Variants in PTBP3 observed in about 807,000 individuals in gnomAD.
PTBP3 encodes the protein polypyrimidine tract binding protein 3, also known as polypyrimidine tract-binding protein 3.
Under a neutral mutation model 58.7 loss-of-function variants are expected in PTBP3, and 20 were observed. That is an observed-to-expected ratio of 0.34 (90% confidence interval 0.24 to 0.50). The LOEUF (loss-of-function observed/expected upper bound fraction) is 0.50, where lower values mean the gene tolerates loss of function less well. Ranked by LOEUF, PTBP3 falls within the 20% of genes least tolerant of loss-of-function variation. The pLI is 0.98. For missense variants in PTBP3, 509 were observed against 637.2 expected (o/e 0.80, Z 2.17); for synonymous variants, 185 against 219.8 (o/e 0.84, Z 1.40).
At chr9:112,292,451 G>A (rs1211409360) in intron 2 of PTBP3, among the ~76,000 whole-genome samples, 1 of 152,120 alleles carries the variant, frequency 6.6e-6, no homozygotes, top group Non-Finnish European at 1.5e-5. Context: ...TTAAAAACAG[G>A]ATCTCAAAGA....
chr9:112,296,709 GAAACTCA>G (rs1341031826), intron 2 of PTBP3, among the ~76,000 whole-genome samples: 1 of 152,120 alleles, frequency 6.6e-6, no homozygotes, highest in African/African-American at 2.4e-5. Flanking sequence ...TGTTCCAAAG[GAAACTCA>G]AACTCAATAT....
chr9:112,290,899 A>G (rs1483865983), intron 2 of PTBP3, among the ~76,000 whole-genome samples: 3 of 150,074 alleles, frequency 2.0e-5, no homozygotes, highest in Non-Finnish European at 4.4e-5. Flanking sequence ...AAATGCACAC[A>G]TGTGTCCACA....
At chr9:112,295,990 A>C (rs977083727) in intron 2 of PTBP3, among the ~76,000 whole-genome samples, 48 of 152,234 alleles carry the variant, frequency 3.2e-4, no homozygotes, top group African/African-American at 1.1e-3. Context: ...CCCAAAACAA[A>C]TTCGTAAACT....
At chr9:112,240,830 T>G (rs181663716) in intron 7 of PTBP3, among the ~76,000 whole-genome samples, 61 of 152,202 alleles carry the variant, frequency 4.0e-4, no homozygotes, top group Admixed American at 2.7e-3. Flanking sequence ...ATCCTGACCT[T>G]GTGTAGGCCT....
intron 10 of PTBP3, 102 bp downstream of exon 10, chr9:112,231,278 C>G: frequency 2.2e-6 from 2 of 891,848 alleles, no homozygotes; most frequent in Non-Finnish European, 3.3e-6. Flanking sequence ...AGTGTCAGCA[C>G]AATACTTGGC....
Position 112,222,330 on chromosome 9 carries a change from G to A in PTBP3, c.*1521C>T. The A allele has an allele frequency of 1.0e-6, 1 of 980,820 alleles. No homozygotes were observed. The highest frequency in any genetic ancestry group is 1.2e-6 in the Non-Finnish European group (1 of 825,462). The allele number at this position is 980,820 out of a possible 1,614,324, so 60.8% of individuals were successfully genotyped here. On this transcript the variant is annotated 3_prime_UTR_variant, in exon 14 of 14. Coordinates refer to ENST00000374257, the MANE Select transcript of PTBP3 (RefSeq NM_001163788.4). ...CTCTTACATTCAATGAAAAAGAGAGGGACAGAGTATGAGAAATAACCCACC... is the reference window on the plus strand; with the variant it reads ...CTCTTACATTCAATGAAAAAGAGAGAGACAGAGTATGAGAAATAACCCACC...
intron 7 of PTBP3, among the ~76,000 whole-genome samples, chr9:112,244,685 A>T (rs537729028): frequency 6.6e-6 from 1 of 152,174 alleles, no homozygotes; most frequent in Admixed American, 6.5e-5. Flanking sequence ...CTCAAAAAAT[A>T]AAAAAATAAA....
intron 12 of PTBP3, 122 bp downstream of exon 12, chr9:112,227,289 T>A (rs992544548): frequency 1.0e-6 from 1 of 964,256 alleles, no homozygotes; most frequent in African/African-American, 1.6e-5. Flanking sequence ...AATTGTCTTA[T>A]CAGAAACTGT....
At chr9:112,252,342 G>A (rs1836159456) in intron 6 of PTBP3, 1 of 291,882 alleles carries the variant, frequency 3.4e-6, no homozygotes, top group African/African-American at 2.3e-5. Context: ...GTACTTGGAT[G>A]GGAGAAGTAA....
the PTBP3 span, among the ~76,000 whole-genome samples, chr9:112,353,444 C>T: frequency 6.7e-6 from 1 of 148,336 alleles, no homozygotes; most frequent in South Asian, 2.2e-4. Context: ...CGGGGTTTCA[C>T]CATGTTGGCC....
chr9:112,230,036 G>A (rs1589797861), intron 10 of PTBP3, among the ~76,000 whole-genome samples: 1 of 151,990 alleles, frequency 6.6e-6, no homozygotes, highest in Admixed American at 6.6e-5. Flanking sequence ...ATTTCTCTCG[G>A]GCGTTGAAAA....
At chr9:112,226,238 G>C (rs1834985740) in intron 12 of PTBP3, among the ~76,000 whole-genome samples, 1 of 148,660 alleles carries the variant, frequency 6.7e-6, no homozygotes, top group African/African-American at 2.5e-5. Flanking sequence ...TATGAGGTTT[G>C]ATCCACTGCC....
intron 1 of PTBP3, among the ~76,000 whole-genome samples, chr9:112,320,314 A>ATATATATATATATATATATATATTT: frequency 1.8e-4 from 14 of 75,678 alleles, no homozygotes; most frequent in South Asian, 9.7e-4. Flanking sequence ...ATATATATAT[A>ATATATATATATATATATATATATTT]TTTTTTTTTA....
chr9:112,342,279 T>C, the PTBP3 span, among the ~76,000 whole-genome samples: 15 of 152,212 alleles, frequency 9.9e-5, no homozygotes, highest in Non-Finnish European at 2.2e-4. Flanking sequence ...AGCTTGCCGA[T>C]GGCCTATCAT....
chr9:112,308,723 G>A (rs1400416708), intron 1 of PTBP3, among the ~76,000 whole-genome samples: 3 of 152,120 alleles, frequency 2.0e-5, no homozygotes, highest in South Asian at 2.1e-4. Context: ...GAAGACATAG[G>A]GGAGTGGCGG....
At chr9:112,279,593 A>C (rs972629189) in intron 2 of PTBP3, among the ~76,000 whole-genome samples, 7 of 152,136 alleles carry the variant, frequency 4.6e-5, no homozygotes, top group Non-Finnish European at 1.5e-5. Context: ...AAAAATCAAG[A>C]CATCCCAAAA....
intron 7 of PTBP3, among the ~76,000 whole-genome samples, chr9:112,242,308 T>G (rs566729129): frequency 9.2e-5 from 14 of 152,256 alleles, no homozygotes; most frequent in Admixed American, 9.2e-4. Context: ...CATTTTTAAA[T>G]TTCACAGATC....
chr9:112,253,002 C>A (rs545384347), intron 5 of PTBP3, among the ~76,000 whole-genome samples: 135 of 152,230 alleles, frequency 8.9e-4, no homozygotes, highest in African/African-American at 3.1e-3. Flanking sequence ...AATAACTAGC[C>A]TATTTTATGG....
At chr9:112,299,168 G>A (rs3808880) in intron 1 of PTBP3, among the ~76,000 whole-genome samples, 40,410 of 152,086 alleles carry the variant, frequency 0.27, 6,679 homozygotes, top group South Asian at 0.41. Flanking sequence ...TATATATGAG[G>A]AATTTGGTTA....
Sources: gnomAD v4.1 joint callset for allele counts (sites outside exome capture counted in the v4.1 genomes callset) on GRCh38, gnomAD v4.1.1 for gene constraint, MANE v1.5 for transcripts, NCBI Gene and HGNC (gene_info 2026-07-23, HGNC 2026-07-21) for gene names.